The following PRKCA variants were observed in gnomAD, a reference collection of about 807,000 sequenced individuals.
PRKCA encodes protein kinase C alpha type.
Under a neutral mutation model 87.0 loss-of-function variants are expected in PRKCA, and 27 were observed. The ratio of observed to expected loss-of-function variants is 0.31; its 90% CI spans 0.23 to 0.43. PRKCA has a LOEUF of 0.43. PRKCA is among the 20% of genes least tolerant of loss of function. The probability of loss-of-function intolerance (pLI) is 1.00; values close to 1 mark genes in which losing one functional copy is unlikely to be tolerated. For synonymous variants in PRKCA, 329 were observed against 311.1 expected, an observed-to-expected ratio of 1.06 and a Z score of -0.61; for missense variants, 518 against 852.3, an observed-to-expected ratio of 0.61 and a Z score of 4.88.
intron 3 of PRKCA, among the ~76,000 whole-genome samples, chr17:66,621,348 T>C (rs10491204): frequency 0.15 from 22,605 of 152,242 alleles, 1,923 homozygotes; most frequent in East Asian, 0.29. Context: ...ATTTTATCCA[T>C]TGAAGCATTT....
intron 2 of PRKCA, among the ~76,000 whole-genome samples, chr17:66,318,679 A>G (rs929582911): frequency 6.6e-6 from 1 of 152,006 alleles, no homozygotes; most frequent in Non-Finnish European, 1.5e-5. Context: ...ATGCAGTGAA[A>G]CCTTGTCTCC....
chr17:66,660,153 G>T (rs1383306596), intron 5 of PRKCA, among the ~76,000 whole-genome samples: 3 of 152,094 alleles, frequency 2.0e-5, no homozygotes, highest in African/African-American at 7.2e-5. Flanking sequence ...TGGCTTTTGG[G>T]TACAAAAGCA....
chr17:66,655,420 C>T (rs1210532023), intron 5 of PRKCA, among the ~76,000 whole-genome samples: 1 of 152,198 alleles, frequency 6.6e-6, no homozygotes, highest in Non-Finnish European at 1.5e-5. Flanking sequence ...TTTCTTCCCT[C>T]CTCACTTTTG....
intron 2 of PRKCA, among the ~76,000 whole-genome samples, chr17:66,362,072 G>T (rs1908420927): frequency 6.6e-6 from 1 of 152,030 alleles, no homozygotes; most frequent in Non-Finnish European, 1.5e-5. Flanking sequence ...TTTCGCTCTT[G>T]TTGCCCAGGC....
At chr17:66,404,024 A>C (rs1157853204) in intron 2 of PRKCA, 1 of 152,194 alleles carries the variant, frequency 6.6e-6, no homozygotes, top group East Asian at 1.9e-4. Context: ...GTTTTTCCTG[A>C]GCTACATACG....
intron 2 of PRKCA, among the ~76,000 whole-genome samples, chr17:66,377,330 G>A (rs1220453786): frequency 6.6e-6 from 1 of 151,776 alleles, no homozygotes; most frequent in East Asian, 1.9e-4. Flanking sequence ...AGGCCCCAAA[G>A]CCTCAGGATT....
intron 2 of PRKCA, among the ~76,000 whole-genome samples, chr17:66,394,499 G>A (rs1234845723): frequency 6.6e-6 from 1 of 152,164 alleles, no homozygotes; most frequent in South Asian, 2.1e-4. Context: ...TCACGACATC[G>A]GGCACACCTG....
At chr17:66,349,592 A>G (rs1042744531) in intron 2 of PRKCA, among the ~76,000 whole-genome samples, 1 of 152,136 alleles carries the variant, frequency 6.6e-6, no homozygotes, top group African/African-American at 2.4e-5. Flanking sequence ...CAGTTTGGGT[A>G]TGGAGTGTTT....
intron 5 of PRKCA, among the ~76,000 whole-genome samples, chr17:66,660,266 G>C (rs548596356): frequency 6.6e-6 from 1 of 152,060 alleles, no homozygotes; most frequent in Admixed American, 6.6e-5. Flanking sequence ...GTTTGGTGGG[G>C]GTCCAGTTTT....
intron 3 of PRKCA, among the ~76,000 whole-genome samples, chr17:66,505,662 C>A (rs922747348): frequency 1.3e-5 from 2 of 151,874 alleles, no homozygotes; most frequent in African/African-American, 4.8e-5. Flanking sequence ...AATAAGGGAG[C>A]CTTTTGAGGT....
At chr17:66,742,558 C>T in intron 12 of PRKCA, 64 bp from the exon 13 acceptor site, 1 of 1,551,760 alleles carries the variant, frequency 6.4e-7, no homozygotes, top group Non-Finnish European at 8.8e-7. Context: ...TCTATTTCAC[C>T]AGTTCCAAAG....
intron 3 of PRKCA, among the ~76,000 whole-genome samples, chr17:66,539,962 C>T (rs777523495): frequency 1.3e-5 from 2 of 152,212 alleles, no homozygotes; most frequent in Admixed American, 6.5e-5. Flanking sequence ...CCCTTGCTCA[C>T]GCAACCCGAG....
chr17:66,540,220 C>A (rs1455049618), intron 3 of PRKCA, among the ~76,000 whole-genome samples: 1 of 152,212 alleles, frequency 6.6e-6, no homozygotes, highest in Non-Finnish European at 1.5e-5. Flanking sequence ...AATAAATACT[C>A]TGATTCATCA....
chr17:66,765,230 A>G (rs996097745), intron 13 of PRKCA, among the ~76,000 whole-genome samples: 12 of 151,954 alleles, frequency 7.9e-5, no homozygotes, highest in African/African-American at 2.7e-4. Flanking sequence ...CCTGGCCAAC[A>G]TGGTGAAACC....
At chr17:66,771,752 T>TTTTTTGTATTTATAGTA (rs1974938979) in intron 13 of PRKCA, among the ~76,000 whole-genome samples, 1 of 152,110 alleles carries the variant, frequency 6.6e-6, no homozygotes, top group Non-Finnish European at 1.5e-5. Flanking sequence ...GGCATCACCA[T>TTTTTTGTATTTATAGTA]GCCCAGCTAA....
At chr17:66,775,000 G>A in intron 14 of PRKCA, 1 of 985,392 alleles carries the variant, frequency 1.0e-6, no homozygotes, top group Non-Finnish European at 1.2e-6. Flanking sequence ...TGTGTCATCA[G>A]GGTGAATCGT....
At chr17:66,614,312 C>T (rs1005053600) in intron 3 of PRKCA, among the ~76,000 whole-genome samples, 4 of 151,986 alleles carry the variant, frequency 2.6e-5, no homozygotes, top group Admixed American at 1.3e-4. Flanking sequence ...GATTTGGGGG[C>T]GTATGTTTGT....
At chr17:66,570,935 T>G (rs1273543014) in intron 3 of PRKCA, among the ~76,000 whole-genome samples, 1 of 152,076 alleles carries the variant, frequency 6.6e-6, no homozygotes, top group Non-Finnish European at 1.5e-5. Context: ...TAATATTAAA[T>G]CTACATATGG....
intron 2 of PRKCA, among the ~76,000 whole-genome samples, chr17:66,422,826 G>T (rs187841299): frequency 2.0e-5 from 3 of 152,074 alleles, no homozygotes; most frequent in African/African-American, 7.2e-5. Flanking sequence ...AAGCATTATT[G>T]CAGGCCGGGC....
Sources: gnomAD v4.1 joint callset for allele counts (sites outside exome capture counted in the v4.1 genomes callset) on GRCh38, gnomAD v4.1.1 for gene constraint, MANE v1.5 for transcripts, NCBI Gene and HGNC (gene_info 2026-07-23, HGNC 2026-07-21) for gene names.